GRK4: variants seen among roughly 807,000 people sequenced by gnomAD.
GRK4 encodes G protein-coupled receptor kinase 2-like.
In GRK4, 73 loss-of-function variants were observed where a neutral mutation model predicts 77.9. That is an observed-to-expected ratio of 0.94 (90% CI 0.78 to 1.14). The LOEUF (loss-of-function observed/expected upper bound fraction) is 1.14. Among genes scored for constraint, GRK4 ranks in the 50% most tolerant of loss-of-function variants. The pLI, the probability that GRK4 is intolerant of heterozygous loss-of-function variation, is 0.00. For missense variants in GRK4, 729 were observed against 700.2 expected (o/e 1.04, Z -0.46); for synonymous variants, 257 against 254.4 (o/e 1.01, Z -0.10).
chr4:3,002,012 A>G (rs12500735), intron 4 of GRK4, among the ~76,000 whole-genome samples: 72,043 of 152,032 alleles, frequency 0.47, 18,601 homozygotes, highest in African/African-American at 0.68. Flanking sequence ...TAAGGAGAGC[A>G]GGGCCTGGGC....
At chr4:3,012,662 G>A (rs1268829050) in intron 7 of GRK4, among the ~76,000 whole-genome samples, 3 of 152,144 alleles carry the variant, frequency 2.0e-5, no homozygotes, top group South Asian at 2.1e-4. Context: ...ACAGAGGCAC[G>A]GGGACCAGAA....
intron 4 of GRK4, among the ~76,000 whole-genome samples, chr4:2,995,208 T>C (rs1474321725): frequency 6.6e-6 from 1 of 152,208 alleles, no homozygotes; most frequent in Non-Finnish European, 1.5e-5. Flanking sequence ...GTTGATTCCA[T>C]GTGTTTGCTA....
intron 1 of GRK4, among the ~76,000 whole-genome samples, chr4:2,971,626 G>T (rs547889045): frequency 3.3e-5 from 5 of 152,290 alleles, no homozygotes; most frequent in African/African-American, 9.6e-5. Flanking sequence ...AGTTTGCTAG[G>T]GCTGTGTAAC....
chr4:2,972,410 C>T (rs920477850), intron 1 of GRK4, among the ~76,000 whole-genome samples: 12 of 152,072 alleles, frequency 7.9e-5, no homozygotes, highest in South Asian at 2.1e-4. Context: ...GGCCAAACAG[C>T]GGGGACGTGG....
At chr4:2,973,766 G>C (rs991051499) in intron 1 of GRK4, among the ~76,000 whole-genome samples, 1 of 152,134 alleles carries the variant, frequency 6.6e-6, no homozygotes, top group Non-Finnish European at 1.5e-5. Flanking sequence ...TCTCAGCACA[G>C]CAGCCAGAGT....
chr4:2,988,485 C>T (rs1047512897), intron 2 of GRK4, among the ~76,000 whole-genome samples: 2 of 151,514 alleles, frequency 1.3e-5, no homozygotes, highest in African/African-American at 4.9e-5. Flanking sequence ...GCAGGAGAAT[C>T]GCCTGAACCC....
intron 5 of GRK4, among the ~76,000 whole-genome samples, chr4:3,005,527 G>T (rs1341531451): frequency 2.0e-5 from 3 of 152,144 alleles, no homozygotes; most frequent in African/African-American, 7.2e-5. Flanking sequence ...CACAGGCCGG[G>T]CGCGGTGGCT....
In GRK4 at chr4:2,991,066, A is replaced by G. The variant is rs572150662; in HGVS notation, c.262-1149A>G. Among the ~76,000 whole-genome samples the G allele has an allele frequency of 7.2e-5, 11 of 152,364 alleles. No homozygotes were observed. The South Asian group carries it at 2.3e-3, about 32-fold the overall frequency. On this transcript the variant is annotated intron_variant, in intron 3 of 15. Transcript: ENST00000398052. The stretch of plus-strand genomic sequence containing the variant: ...TCAGTCAGGATTCAACCAGAGAACT[A>G]GAACCCATAGGAGGAGATATTAAGA...
intron 7 of GRK4, among the ~76,000 whole-genome samples, chr4:3,009,966 G>T (rs1732415123): frequency 6.6e-6 from 1 of 152,154 alleles, no homozygotes; most frequent in African/African-American, 2.4e-5. Context: ...TGATGCCCCA[G>T]CTCAGTCACT....
At chr4:3,010,209 T>C (rs1418529519) in intron 7 of GRK4, among the ~76,000 whole-genome samples, 1 of 150,594 alleles carries the variant, frequency 6.6e-6, no homozygotes, top group East Asian at 1.9e-4. Context: ...TCACGAGGGG[T>C]GTTTTTTTTG....
chr4:3,007,936 A>G, intron 6 of GRK4, 108 bp downstream of exon 6: 1 of 726,946 alleles, frequency 1.4e-6, no homozygotes, highest in Non-Finnish European at 2.3e-6. Flanking sequence ...CCAAGACTTC[A>G]AGGCTATAGT....
rs554572655 is a variant in GRK4 at position 2,998,281 on chromosome 4, C to T, written c.340-5950C>T. Among the ~76,000 whole-genome samples the T allele has an allele frequency of 4.3e-4, 65 of 151,638 alleles. 1 individual carries two copies. In the South Asian group the frequency reaches 0.012, roughly 28 times the overall value. ...CTGAGGCAGGAGAATTGCTTGAACC[C>T]GGGAGGAGGAGGTTGCAGTGAGCCA... On this transcript the variant is annotated intron_variant, in intron 4 of 15. Coordinates refer to ENST00000398052, the MANE Select transcript of GRK4 (RefSeq NM_182982.3).
chr4:2,969,379 CT>C (rs113382194), intron 1 of GRK4: 189 of 138,938 alleles, frequency 1.4e-3, no homozygotes, highest in Middle Eastern at 7.4e-3. Flanking sequence ...TCTTTCTTTT[CT>C]TTTTTTTTTT....
chr4:3,005,241 T>C (rs1246687570), intron 5 of GRK4, among the ~76,000 whole-genome samples: 1 of 151,926 alleles, frequency 6.6e-6, no homozygotes, highest in African/African-American at 2.4e-5. Context: ...GTCACTCATG[T>C]CACAGCGGAG....
chr4:3,001,938 T>C (rs754072986), intron 4 of GRK4, among the ~76,000 whole-genome samples: 2 of 152,204 alleles, frequency 1.3e-5, no homozygotes, highest in Non-Finnish European at 2.9e-5. Context: ...GGGTATTTTT[T>C]CATTGAATCT....
rs1266843338 is a variant in GRK4, at chr4:3,021,004, T to C, written c.932+1173T>C. 3.9e-5 allele frequency among the ~76,000 whole-genome samples: 6 copies of C among 152,278 alleles called. No individual in the cohort carries two copies. In the South Asian group the frequency reaches 1.2e-3, roughly 32 times the overall value. ...TAGGTTATATGGAAATTTTGCACCA[T>C]TTTATATCAGGGACTTGAGGACCCT... is the stretch of plus-strand genomic sequence containing the variant. On this transcript the variant is annotated intron_variant, in intron 9 of 15. Coordinates refer to ENST00000398052, the MANE Select transcript of GRK4 (RefSeq NM_182982.3).
At chr4:3,023,435 G>C (rs1230948752) in intron 10 of GRK4, among the ~76,000 whole-genome samples, 1 of 152,228 alleles carries the variant, frequency 6.6e-6, no homozygotes, top group Non-Finnish European at 1.5e-5. Context: ...CTCCTGCCGA[G>C]AAGAGGACAG....
At chr4:2,970,589 T>C (rs1719212624) in intron 1 of GRK4, among the ~76,000 whole-genome samples, 1 of 145,792 alleles carries the variant, frequency 6.9e-6, no homozygotes, top group Admixed American at 6.9e-5. Flanking sequence ...ACCCGGGAGG[T>C]GGAGGTTGCA....
intron 8 of GRK4, among the ~76,000 whole-genome samples, chr4:3,018,972 T>C (rs896075799): frequency 2.0e-5 from 3 of 152,146 alleles, no homozygotes; most frequent in Non-Finnish European, 4.4e-5. Flanking sequence ...TTTTCCCTAA[T>C]TGATCTGTAG....
Sources: allele counts gnomAD v4.1 joint callset (sites outside exome capture counted in the v4.1 genomes callset), GRCh38; gene constraint gnomAD v4.1.1; transcripts MANE v1.5; gene names NCBI Gene and HGNC (gene_info 2026-07-23, HGNC 2026-07-21).